KCNT1: variants seen among roughly 807,000 people sequenced by gnomAD.
KCNT1 encodes the protein potassium sodium-activated channel subfamily T member 1, also known as potassium channel subfamily T member 1.
A neutral mutation model predicts 147.8 loss-of-function variants in KCNT1; 78 were observed. The observed-to-expected ratio is 0.53, with a 90% CI of 0.44 to 0.64. The LOEUF (loss-of-function observed/expected upper bound fraction) is 0.64. Ranked by LOEUF, KCNT1 falls within the 30% of genes least tolerant of loss-of-function variation. The pLI is 0.00. For missense variants in KCNT1, 1,419 were observed against 1,750.3 expected (o/e 0.81, Z 3.38); for synonymous variants, 867 against 748.8 (o/e 1.16, Z -2.58).
chr9:135,793,985 C>G lies in KCNT1; in HGVS notation c.*1824C>G. ...GCAGTCGCCCTGCAGCTGGAAGGCC[C>G]AAGTCTGCCTCACCTGGGTGGCCTC... On this transcript the variant is annotated 3_prime_UTR_variant, in exon 31 of 31. Coordinates refer to ENST00000371757, the MANE Select transcript of KCNT1 (RefSeq NM_020822.3). The G allele has an allele frequency of 6.5e-6, 1 of 152,984 alleles. No individual in the cohort carries two copies. The highest frequency in any genetic ancestry group is 1.5e-5 in the Non-Finnish European group (1 of 68,574). 9.5% of individuals were successfully genotyped at this position (152,984 alleles called of 1,614,324 possible).
At chr9:135,739,881 C>T (rs1265226426) in intron 2 of KCNT1, among the ~76,000 whole-genome samples, 1 of 152,192 alleles carries the variant, frequency 6.6e-6, no homozygotes, top group African/African-American at 2.4e-5. Flanking sequence ...TGTTCCCAGG[C>T]CCTCGGGGGA....
At chr9:135,757,255 G>A in intron 8 of KCNT1, 25 bp downstream of exon 8, 1 of 1,612,832 alleles carries the variant, frequency 6.2e-7, no homozygotes, top group Non-Finnish European at 8.5e-7. Flanking sequence ...GCTGCCAGGA[G>A]TGCGGGCCCT....
chr9:135,754,112 G>A (rs1831346853), intron 5 of KCNT1, 119 bp downstream of exon 5: 1 of 872,628 alleles, frequency 1.1e-6, no homozygotes, highest in Admixed American at 2.0e-5. Context: ...TGGGACCAGG[G>A]TGGGGTGGGA....
chr9:135,745,409 G>C (rs1186941506), intron 2 of KCNT1, among the ~76,000 whole-genome samples: 2 of 152,150 alleles, frequency 1.3e-5, no homozygotes, highest in Admixed American at 1.3e-4. Flanking sequence ...GGAGAGTGTG[G>C]CCCCACCCGG....
chr9:135,734,324 G>A (rs1189272701), intron 2 of KCNT1, among the ~76,000 whole-genome samples: 2 of 152,218 alleles, frequency 1.3e-5, no homozygotes, highest in South Asian at 2.1e-4. Context: ...CCAGCCATGG[G>A]CCCTGCACCC....
In KCNT1 at chr9:135,752,742, A is replaced by G. The variant is rs1333504044; in HGVS notation, c.435-1195A>G. Among the ~76,000 whole-genome samples, 1 of 148,280 alleles carries G rather than the reference A, an allele frequency of 6.7e-6. No individual in the cohort carries two copies. The highest frequency in any genetic ancestry group is 1.5e-5 in the Non-Finnish European group (1 of 67,174). The stretch of plus-strand genomic sequence containing the variant: ...GCATGGTGGGTAGATGGATGGATGG[A>G]TGGAATAGATGGATGGAGGGATGAG... On this transcript the variant is annotated intron_variant, in intron 4 of 30. Transcript: ENST00000371757. This position sits in a 1 kb window ranked among gnomAD's most constrained non-coding sequence, Gnocchi z 5.1.
intron 19 of KCNT1, among the ~76,000 whole-genome samples, chr9:135,774,143 ATGTGTGTCTGGG>A (rs1832949103): frequency 7.0e-6 from 1 of 142,168 alleles, no homozygotes; most frequent in Non-Finnish European, 1.5e-5. Context: ...GTGATATGTG[ATGTGTGTCTGGG>A]TGTGTGTGGT....
intron 5 of KCNT1, among the ~76,000 whole-genome samples, 180 bp from the exon 6 acceptor site, chr9:135,754,941 T>C (rs1831387393): frequency 6.6e-6 from 1 of 152,188 alleles, no homozygotes; most frequent in Admixed American, 6.5e-5. Flanking sequence ...TTGGGGAACC[T>C]TCCCTTCCCT....
intron 4 of KCNT1, among the ~76,000 whole-genome samples, chr9:135,753,434 A>T (rs577914208): frequency 6.6e-6 from 1 of 152,134 alleles, no homozygotes; most frequent in African/African-American, 2.4e-5. Flanking sequence ...TGTCCTCAGA[A>T]GCAGCTTAGG....
chr9:135,726,898 T>TC, intron 2 of KCNT1, among the ~76,000 whole-genome samples: 1 of 86,652 alleles, frequency 1.2e-5, no homozygotes, highest in Non-Finnish European at 2.4e-5. Context: ...TCTCTCCCTC[T>TC]TTCCCATTCT....
intron 2 of KCNT1, among the ~76,000 whole-genome samples, chr9:135,742,587 G>A (rs577852137): frequency 6.1e-5 from 9 of 147,054 alleles, no homozygotes; most frequent in Admixed American, 1.4e-4. Flanking sequence ...TCCCGTGCCC[G>A]GGGGCGCCAA....
chr9:135,709,331 G>C (rs986780017), intron 1 of KCNT1, among the ~76,000 whole-genome samples: 1 of 152,138 alleles, frequency 6.6e-6, no homozygotes, highest in Non-Finnish European at 1.5e-5. Flanking sequence ...GCTGTCAGTC[G>C]CTCCTCAGTT....
At chr9:135,715,518 G>A (rs1244270297) in intron 2 of KCNT1, among the ~76,000 whole-genome samples, 1 of 91,230 alleles carries the variant, frequency 1.1e-5, no homozygotes, top group African/African-American at 4.0e-5. Context: ...CAGCGTGTAG[G>A]GTACGGCAGG....
chr9:135,745,944 C>A (rs1830810405), intron 2 of KCNT1, among the ~76,000 whole-genome samples: 1 of 152,232 alleles, frequency 6.6e-6, no homozygotes, highest in African/African-American at 2.4e-5. Context: ...GCAGGAACCA[C>A]CAGGCGGGTC....
intron 29 of KCNT1, 22 bp downstream of exon 29, chr9:135,786,543 G>T (rs1834066628): frequency 1.3e-6 from 2 of 1,561,048 alleles, no homozygotes; most frequent in Admixed American, 2.0e-5. Context: ...CGGCGCGGGT[G>T]GGGGCCGGAC....
intron 11 of KCNT1, 138 bp from the exon 12 acceptor site, chr9:135,764,893 C>T (rs1460352723): frequency 1.3e-6 from 1 of 782,980 alleles, no homozygotes. Context: ...GAAAGGCCCC[C>T]CTAATGTAGG....
intron 24 of KCNT1, among the ~76,000 whole-genome samples, chr9:135,783,190 A>T (rs1436685916): frequency 6.6e-6 from 1 of 152,174 alleles, no homozygotes; most frequent in African/African-American, 2.4e-5. Flanking sequence ...GCCTCTGCAG[A>T]TGGGATTAAG....
intron 4 of KCNT1, among the ~76,000 whole-genome samples, chr9:135,751,588 G>A (rs1016682429): frequency 2.4e-4 from 36 of 152,190 alleles, no homozygotes; most frequent in African/African-American, 8.4e-4. Flanking sequence ...CGATGAGGGT[G>A]GGTGGGAACT....
At position 135,786,300 on chromosome 9, in the gene KCNT1, C is replaced by G. The variant is rs373041291; in HGVS notation, c.3281C>G (p.Thr1094Arg). ...GTGGSSQGRH[T>R]GGGDPAEHPL... The stretch of plus-strand genomic sequence containing the variant: ...GGAGGCAGCTCCCAGGGCCGCCACA[C>G]GGGCGGCGGTGACCCCGCAGAGCAC... The change falls in exon 29 of 31, where the codon ACG (threonine) becomes AGG (arginine). Residue 1094 changes from threonine (T) to arginine (R), a missense_variant. By Grantham distance (71) the Thr-to-Arg change is moderately conservative. Transcript: ENST00000371757. 1.9e-6 allele frequency: 3 copies of G among 1,603,944 alleles called. No homozygotes were observed. The highest frequency in any genetic ancestry group is 3.4e-5 in the Admixed American group (2 of 58,844).
Sources: gnomAD v4.1 joint callset for allele counts (sites outside exome capture counted in the v4.1 genomes callset) on GRCh38, gnomAD v4.1.1 for gene constraint, Gnocchi (gnomAD v3.1) non-coding constraint, MANE v1.5 for transcripts, NCBI Gene and HGNC (gene_info 2026-07-23, HGNC 2026-07-21) for gene names.